The following KCNK16 variants were observed in gnomAD, a reference collection of about 807,000 sequenced individuals.
KCNK16 encodes the protein potassium two pore domain channel subfamily K member 16, also known as potassium channel subfamily K member 16.
A neutral mutation model predicts 23.0 loss-of-function variants in KCNK16; 23 were observed. The observed-to-expected ratio is 1.00, with a 90% CI of 0.72 to 1.41. The LOEUF (loss-of-function observed/expected upper bound fraction) is 1.41, where lower values mean the gene tolerates loss of function less well. Ranked by LOEUF, KCNK16 falls within the 40% of genes most tolerant of loss-of-function variation. The pLI is 0.00. For missense variants in KCNK16, 327 were observed against 365.8 expected (o/e 0.89, Z 0.87); for synonymous variants, 145 against 153.5 (o/e 0.94, Z 0.41).
chr6:39,318,019 A>G (rs1762392601), intron 2 of KCNK16, 67 bp from the exon 3 acceptor site: 1 of 1,451,170 alleles, frequency 6.9e-7, no homozygotes, highest in African/African-American at 1.4e-5. Flanking sequence ...TCTTCCCCAG[A>G]CTCTAGCTGA....
rs903355175 is a variant in KCNK16, at chr6:39,321,880, C to T, written c.213+448G>A. The stretch of plus-strand genomic sequence containing the variant: ...GTGTCTCCCACCCGCAGCCGTCTGC[C>T]CAGGGATATGAGCTGGGAGAGGGCA... On this transcript the variant is annotated intron_variant, in intron 1 of 4. Transcript: ENST00000437525. 2.0e-5 allele frequency among the ~76,000 whole-genome samples: 3 copies of T among 152,300 alleles called. No individual in the cohort carries two copies. The East Asian group carries it at 5.8e-4, about 29-fold the overall frequency.
chr6:39,315,363 C>T, downstream of KCNK16: 1 of 1,551,660 alleles, frequency 6.4e-7, no homozygotes, highest in Non-Finnish European at 8.7e-7. Flanking sequence ...TCTGGCTTCC[C>T]ATGGGGTGTT....
chr6:39,314,588 G>A (rs951272396), downstream of KCNK16: 9 of 446,400 alleles, frequency 2.0e-5, no homozygotes, highest in African/African-American at 1.8e-4. Flanking sequence ...AGGCCAGGGA[G>A]AAGGAGGAAG....
downstream of KCNK16, chr6:39,314,945 A>C: frequency 6.7e-7 from 1 of 1,497,618 alleles, no homozygotes; most frequent in Non-Finnish European, 9.0e-7. Flanking sequence ...AGGCCCCCGA[A>C]ATCCCTCTAC....
chr6:39,316,191 A>T lies in KCNK16; in HGVS notation c.*28T>A. On this transcript the variant is annotated 3_prime_UTR_variant, in exon 5 of 5. Transcript: ENST00000437525. The stretch of plus-strand genomic sequence containing the variant: ...ATAGGGTGGGACTGGGGAGGATGAA[A>T]GGGGTTTCTGGGCCCCCCCCGGGGG... 1 of 1,495,488 alleles carries T rather than the reference A, an allele frequency of 6.7e-7. No individual in the cohort carries two copies. 92.6% of individuals were successfully genotyped at this position (1,495,488 alleles called of 1,614,324 possible).
At position 39,319,454 on chromosome 6, in the gene KCNK16, C is replaced by T. The variant is rs1156696061; in HGVS notation, c.214-321G>A. ...GTGGAGGATGCTCAGGGAGGGGTCCCGTGGGAGATGCTGCTGGTGGCCAAA... is the reference window on the plus strand; with the variant it reads ...GTGGAGGATGCTCAGGGAGGGGTCCTGTGGGAGATGCTGCTGGTGGCCAAA... On this transcript the variant is annotated intron_variant, in intron 1 of 4. Transcript: ENST00000437525. The surrounding 1 kb of genome is among the most constrained non-coding windows in gnomAD (Gnocchi z 4.2). Among the ~76,000 whole-genome samples the T allele has an allele frequency of 1.3e-5, 2 of 151,944 alleles. No individual in the cohort carries two copies.
Position 39,317,825 on chromosome 6 carries a change from G to A in KCNK16, c.456C>T (p.Ala152=), listed in dbSNP as rs79043904. ...HLGTGLRAHL[A]AIERWEDRPR... Reference sequence around the variant, plus strand: ...GACGGTCCTCCCATCTTTCAATGGCGGCCAGATGGGCACGCAGCCCTGTGC... The same window carrying A: ...GACGGTCCTCCCATCTTTCAATGGCAGCCAGATGGGCACGCAGCCCTGTGC... The change falls in exon 3 of 5, where the codon GCC becomes GCT. Residue 152 remains alanine, a synonymous_variant. Transcript: ENST00000437525. 3.0e-4 allele frequency: 477 copies of A among 1,611,052 alleles called. 2 individuals carry two copies. In the East Asian group the frequency reaches 4.4e-3, roughly 15 times the overall value.
chr6:39,321,018 C>T (rs1355195410), intron 1 of KCNK16, among the ~76,000 whole-genome samples: 1 of 152,206 alleles, frequency 6.6e-6, no homozygotes, highest in Non-Finnish European at 1.5e-5. Context: ...TGGTCTCTCA[C>T]AGCTACAGAA....
At chr6:39,315,821 A>G (rs1762288328), downstream of KCNK16, among the ~76,000 whole-genome samples, 1 of 152,210 alleles carries the variant, frequency 6.6e-6, no homozygotes, top group Non-Finnish European at 1.5e-5. Flanking sequence ...ACCCTGGCAC[A>G]GCACCTGGCA....
intron 3 of KCNK16, 43 bp from the exon 4 acceptor site, chr6:39,316,990 C>T (rs1267940764): frequency 2.5e-6 from 4 of 1,578,374 alleles, no homozygotes; most frequent in Middle Eastern, 2.1e-4. Flanking sequence ...TTGAAAGTCT[C>T]CAGGATTGTA....
chr6:39,318,053 G>T, intron 2 of KCNK16, 101 bp from the exon 3 acceptor site: 5 of 1,124,304 alleles, frequency 4.4e-6, no homozygotes, highest in Non-Finnish European at 6.1e-6. Flanking sequence ...CCACCTCTGG[G>T]GGTGAGAAGG....
In KCNK16 at chr6:39,319,740, C is replaced by CGTGAGT. The variant is rs1762444660; in HGVS notation, c.214-608_214-607insACTCAC. On this transcript the variant is annotated intron_variant, in intron 1 of 4. Coordinates refer to ENST00000437525, the MANE Select transcript of KCNK16 (RefSeq NM_001135106.2). This position sits in a 1 kb window ranked among gnomAD's most constrained non-coding sequence, Gnocchi z 4.2. ...AACAGAGGCCAAGACAAAGGTGGCA[C>CGTGAGT]GTGTGAGTGTGTGTGTGTGTGTGTG... 8.8e-6 allele frequency among the ~76,000 whole-genome samples: 1 copy of CGTGAGT among 113,610 alleles called. No individual in the cohort carries two copies. Among genetic ancestry groups the CGTGAGT allele is most frequent in the African/African-American group, 3.5e-5 (1 of 28,390 alleles). The allele number at this position is 113,610 out of a possible 152,430, so 74.5% of individuals were successfully genotyped here.
chr6:39,319,116 C>T lies in KCNK16; in HGVS notation c.231G>A (p.Trp77Ter). Reference sequence around the variant, plus strand: ...TGCCTTTGGGGTTCACACCTTTCACCCAGGCTTCCATGATGACCTGTAGGG... The same window carrying T: ...TGCCTTTGGGGTTCACACCTTTCACTCAGGCTTCCATGATGACCTGTAGGG... ...EQFVQVIMEA[W>*]VKGVNPKGNS... is the part of the protein sequence containing the mutation. Residue 77 changes from tryptophan (W) to a stop codon, truncating the protein, a stop_gained, in exon 2 of 5, where the codon TGG becomes TGA. Coordinates refer to ENST00000437525, the MANE Select transcript of KCNK16 (RefSeq NM_001135106.2). LOFTEE classifies it high-confidence loss of function. This position sits in a 1 kb window ranked among gnomAD's most constrained non-coding sequence, Gnocchi z 4.2. 6.2e-7 allele frequency: 1 copy of T among 1,613,254 alleles called. No individual in the cohort carries two copies. The highest frequency in any genetic ancestry group is 8.5e-7 in the Non-Finnish European group (1 of 1,179,352).
rs9462528 is a variant in KCNK16, at chr6:39,316,969, T to C, written c.496-22A>G. The C allele has an allele frequency of 5.0e-3, 7,921 of 1,596,378 alleles. 167 individuals carry two copies. In the African/African-American group the frequency reaches 0.061, roughly 12 times the overall value. On this transcript the variant is annotated intron_variant, in intron 3 of 4. Transcript: ENST00000437525. ...GTACCTAGGAGGGAGGGAGTTGGCC[T>C]CTGAGTCCACTTGAAAGTCTCCAGG...
rs1762305111 is a variant in KCNK16 at position 39,316,244 on chromosome 6, G to A, written c.860C>T (p.Pro287Leu). The A allele has an allele frequency of 6.4e-7, 1 of 1,559,298 alleles. No homozygotes were observed. Residue 287 changes from proline (P) to leucine (L), a missense_variant, in exon 5 of 5, where the codon CCT (proline) becomes CTT (leucine). By Grantham distance (98) the Pro-to-Leu change is moderately conservative. Coordinates refer to ENST00000437525, the MANE Select transcript of KCNK16 (RefSeq NM_001135106.2). ...TCATGCAGAGATGGGGATCTTCTGAGGCCTGGGGAGCCCACTGGGGTCAGA... is the reference window on the plus strand; with the variant it reads ...TCATGCAGAGATGGGGATCTTCTGAAGCCTGGGGAGCCCACTGGGGTCAGA... Reference protein sequence around the residue: ...AASDPSGLPRPQKIPISA With the variant: ...AASDPSGLPRLQKIPISA
chr6:39,320,514 T>G (rs1762475529), intron 1 of KCNK16, among the ~76,000 whole-genome samples: 1 of 152,238 alleles, frequency 6.6e-6, no homozygotes, highest in Non-Finnish European at 1.5e-5. Flanking sequence ...TGTTTAATAC[T>G]GCTTTTAATA....
rs1399946532 is a variant in KCNK16 at position 39,319,630 on chromosome 6, G to A, written c.214-497C>T. ...CTAATGGTGGGAAAGAGAGCCCTGT[G>A]TTCCCTAAGTGTCCAGGCGAGTGGG... On this transcript the variant is annotated intron_variant, in intron 1 of 4. Transcript: ENST00000437525. This position sits in a 1 kb window ranked among gnomAD's most constrained non-coding sequence, Gnocchi z 4.2. Among the ~76,000 whole-genome samples the A allele has an allele frequency of 6.6e-6, 1 of 152,184 alleles. No homozygotes were observed. The highest frequency in any genetic ancestry group is 1.5e-5 in the Non-Finnish European group (1 of 68,036).
chr6:39,317,520 G>C (rs890315597), intron 3 of KCNK16, among the ~76,000 whole-genome samples: 4 of 152,210 alleles, frequency 2.6e-5, no homozygotes, highest in Non-Finnish European at 5.9e-5. Context: ...ATTGAGGCAG[G>C]TATGAAAACC....
At chr6:39,317,632 C>T (rs1348618286) in intron 3 of KCNK16, among the ~76,000 whole-genome samples, 154 bp downstream of exon 3, 1 of 152,200 alleles carries the variant, frequency 6.6e-6, no homozygotes, top group Admixed American at 6.5e-5. Flanking sequence ...ATCCAACTCC[C>T]CACTCTGCCC....
Sources: allele counts gnomAD v4.1 joint callset (sites outside exome capture counted in the v4.1 genomes callset), GRCh38; gene constraint gnomAD v4.1.1; non-coding constraint Gnocchi (gnomAD v3.1); transcripts MANE v1.5; gene names NCBI Gene and HGNC (gene_info 2026-07-23, HGNC 2026-07-21).